The following PCNX1 variants were observed in gnomAD, a reference collection of about 807,000 sequenced individuals.
The protein encoded by PCNX1 is pecanex-like protein 1.
In PCNX1, 78 loss-of-function variants were observed where a neutral mutation model predicts 242.2. That is an observed-to-expected ratio of 0.32 (90% CI 0.27 to 0.39). PCNX1 has a LOEUF of 0.39. Among genes scored for constraint, PCNX1 ranks in the 10% least tolerant of loss-of-function variants. The pLI, the probability that PCNX1 is intolerant of heterozygous loss-of-function variation, is 1.00. For synonymous variants in PCNX1, 1,024 were observed against 1,032.9 expected (o/e 0.99, Z 0.17); for missense variants, 2,581 against 2,856.5 (o/e 0.90, Z 2.20).
At position 70,907,817 on chromosome 14, in the gene PCNX1, G is replaced by A. The variant is rs2055625382; in HGVS notation, c.-34G>A. The stretch of plus-strand genomic sequence containing the variant: ...TGGGGCCGGGGCGGGGACGGCGGCG[G>A]CGGCGGCGGCGACGGCGGCGGCGCC... On this transcript the variant is annotated 5_prime_UTR_variant, in exon 1 of 36. Transcript: ENST00000304743. 4.0e-6 allele frequency: 5 copies of A among 1,242,124 alleles called. No individual in the cohort carries two copies. Among genetic ancestry groups the A allele is most frequent in the Non-Finnish European group, 4.0e-6 (4 of 990,662 alleles). 76.9% of individuals were successfully genotyped at this position (1,242,124 alleles called of 1,614,324 possible). A position where few individuals can be genotyped will look rare whatever the true frequency, so the allele number is the denominator to read the frequency against.
At chr14:71,023,893 A>G (rs184153093) in intron 13 of PCNX1, among the ~76,000 whole-genome samples, 2 of 152,140 alleles carry the variant, frequency 1.3e-5, no homozygotes, top group Non-Finnish European at 2.9e-5. Context: ...TGGAATAATG[A>G]ATAATGGGAA....
intron 23 of PCNX1, among the ~76,000 whole-genome samples, chr14:71,051,168 C>CAAA (rs758181078): frequency 6.0e-4 from 25 of 41,778 alleles, no homozygotes; most frequent in East Asian, 1.4e-3. Flanking sequence ...AACTCTGTCT[C>CAAA]AAAAAAAAAA....
At chr14:71,047,702 T>G (rs1161906422) in intron 21 of PCNX1, 105 bp from the exon 22 acceptor site, 1 of 870,442 alleles carries the variant, frequency 1.1e-6, no homozygotes, top group Non-Finnish European at 1.8e-6. Context: ...ACATTTAATG[T>G]ATATATTATA....
intron 32 of PCNX1, among the ~76,000 whole-genome samples, chr14:71,104,500 C>T (rs1320634693): frequency 6.6e-6 from 1 of 152,170 alleles, no homozygotes; most frequent in Non-Finnish European, 1.5e-5. Context: ...TGCTTAGTCA[C>T]TCTCCATTTT....
At chr14:71,106,840 T>A (rs1466362852) in intron 33 of PCNX1, among the ~76,000 whole-genome samples, 1 of 152,238 alleles carries the variant, frequency 6.6e-6, no homozygotes, top group Non-Finnish European at 1.5e-5. Flanking sequence ...GGATTTGAGC[T>A]CTTTCAGTTT....
intron 26 of PCNX1, among the ~76,000 whole-genome samples, chr14:71,060,324 A>G (rs1464889242): frequency 1.3e-5 from 2 of 152,106 alleles, no homozygotes; most frequent in Non-Finnish European, 1.5e-5. Context: ...ATAAACAACT[A>G]TGTGTTTATT....
chr14:71,035,025 T>C (rs2060490177), intron 18 of PCNX1, among the ~76,000 whole-genome samples: 1 of 152,242 alleles, frequency 6.6e-6, no homozygotes, highest in East Asian at 1.9e-4. Context: ...AATGAAGATA[T>C]AAGTTATCCA....
At chr14:71,000,746 G>C (rs1248617031) in intron 8 of PCNX1, among the ~76,000 whole-genome samples, 1 of 151,840 alleles carries the variant, frequency 6.6e-6, no homozygotes, top group Non-Finnish European at 1.5e-5. Flanking sequence ...GGCTGGTCTC[G>C]AGCTCCTGAC....
intron 5 of PCNX1, among the ~76,000 whole-genome samples, chr14:70,972,031 G>A (rs1159394672): frequency 1.3e-5 from 2 of 152,162 alleles, no homozygotes. Flanking sequence ...GTTGAAGCAG[G>A]GACCTCACTC....
chr14:70,920,174 T>TG (rs1660690179), intron 1 of PCNX1, among the ~76,000 whole-genome samples: 1 of 152,258 alleles, frequency 6.6e-6, no homozygotes, highest in African/African-American at 2.4e-5. Flanking sequence ...GTTGCAAAGA[T>TG]GGAGTTCCTG....
At chr14:71,010,932 A>G (rs2059805092) in intron 9 of PCNX1, among the ~76,000 whole-genome samples, 1 of 151,022 alleles carries the variant, frequency 6.6e-6, no homozygotes, top group Non-Finnish European at 1.5e-5. Flanking sequence ...CTCTCAAAAA[A>G]TTATTAAATT....
At chr14:70,978,684 C>T (rs749924067) in intron 6 of PCNX1, 36 bp downstream of exon 6, 3 of 1,547,960 alleles carry the variant, frequency 1.9e-6, no homozygotes, top group African/African-American at 2.7e-5. Flanking sequence ...CTGTAAGACT[C>T]ACTGCTTTTT....
intron 3 of PCNX1, among the ~76,000 whole-genome samples, chr14:70,963,540 A>G (rs1288423152): frequency 1.3e-5 from 2 of 152,194 alleles, no homozygotes; most frequent in African/African-American, 2.4e-5. Context: ...CTTAAGAACA[A>G]TGTTATGAAA....
intron 3 of PCNX1, among the ~76,000 whole-genome samples, chr14:70,967,831 G>C (rs1044545479): frequency 2.0e-5 from 3 of 152,146 alleles, no homozygotes; most frequent in Admixed American, 6.5e-5. Flanking sequence ...ATTTCAGGTA[G>C]ACATAAAGCC....
chr14:70,988,580 C>T lies in PCNX1; in HGVS notation c.2325C>T (p.Ser775=), dbSNP rs759782564. Residue 775 remains serine, a synonymous_variant, in exon 7 of 36, where the codon AGC becomes AGT. Coordinates refer to ENST00000304743, the MANE Select transcript of PCNX1 (RefSeq NM_014982.3). ...QDAVSGAAQA[S]EEAVSFRRER... ...GTCTTGATGCAGCAGCACAAGCCAG[C>T]GAGGAGGCAGTGTCATTTCGCCGTG... 5.6e-6 allele frequency: 9 copies of T among 1,613,962 alleles called. No homozygotes were observed. Among genetic ancestry groups the T allele is most frequent in the Admixed American group, 5.0e-5 (3 of 60,012 alleles).
chr14:70,929,428 A>G (rs1254028785), intron 1 of PCNX1, among the ~76,000 whole-genome samples: 1 of 152,126 alleles, frequency 6.6e-6, no homozygotes, highest in Non-Finnish European at 1.5e-5. Context: ...TTGCCCAGTT[A>G]CTGTTTTTCA....
At chr14:70,956,503 G>A (rs570471180) in intron 2 of PCNX1, among the ~76,000 whole-genome samples, 6 of 152,128 alleles carry the variant, frequency 3.9e-5, no homozygotes, top group Non-Finnish European at 8.8e-5. Flanking sequence ...AGGCTGCAGT[G>A]AGCTATGATT....
Position 71,112,011 on chromosome 14 carries a change from T to A in PCNX1, c.*2076T>A, listed in dbSNP as rs1166087693. ...TTTCTGAAACTGAATTTATAATCTA[T>A]TTCTCTGTATACGTATATTTTTAAA... is the stretch of plus-strand genomic sequence containing the variant. On this transcript the variant is annotated 3_prime_UTR_variant, in exon 36 of 36. Transcript: ENST00000304743. 1.3e-5 allele frequency: 2 copies of A among 152,560 alleles called. No individual in the cohort carries two copies. Among genetic ancestry groups the A allele is most frequent in the African/African-American group, 4.8e-5 (2 of 41,460 alleles). The allele number at this position is 152,560 out of a possible 1,614,324, so 9.5% of individuals were successfully genotyped here.
chr14:70,982,744 T>G (rs2058875200), intron 6 of PCNX1, among the ~76,000 whole-genome samples: 2 of 152,200 alleles, frequency 1.3e-5, no homozygotes, highest in South Asian at 4.1e-4. Context: ...CCATGCCAGA[T>G]TTTTTCAAGT....
Sources: gnomAD v4.1 joint callset for allele counts (sites outside exome capture counted in the v4.1 genomes callset) on GRCh38, gnomAD v4.1.1 for gene constraint, MANE v1.5 for transcripts, NCBI Gene and HGNC (gene_info 2026-07-23, HGNC 2026-07-21) for gene names.